PDGFC: variants seen among roughly 807,000 people sequenced by gnomAD.
PDGFC encodes platelet derived growth factor C.
A neutral mutation model predicts 35.5 loss-of-function variants in PDGFC; 12 were observed. That is an observed-to-expected ratio of 0.34 (90% CI 0.22 to 0.55). The LOEUF (loss-of-function observed/expected upper bound fraction) is 0.55. PDGFC is among the 20% of genes least tolerant of loss of function. The pLI, the probability that PDGFC is intolerant of heterozygous loss-of-function variation, is 0.91. For synonymous variants in PDGFC, 159 were observed against 148.8 expected, an observed-to-expected ratio of 1.07 and a Z score of -0.50; for missense variants, 322 against 412.4, an observed-to-expected ratio of 0.78 and a Z score of 1.90.
At chr4:156,863,009 G>C (rs1729754156) in intron 1 of PDGFC, among the ~76,000 whole-genome samples, 1 of 151,880 alleles carries the variant, frequency 6.6e-6, no homozygotes, top group African/African-American at 2.4e-5. Flanking sequence ...TCTCTTTATA[G>C]TTCTTACAAT....
chr4:156,963,342 C>T (rs1560893168), intron 1 of PDGFC, among the ~76,000 whole-genome samples: 1 of 151,946 alleles, frequency 6.6e-6, no homozygotes, highest in African/African-American at 2.4e-5. Context: ...TGGTGGCACA[C>T]ACCTGTAATC....
At chr4:156,838,027 A>T (rs1399369127) in intron 2 of PDGFC, among the ~76,000 whole-genome samples, 1 of 152,120 alleles carries the variant, frequency 6.6e-6, no homozygotes, top group Non-Finnish European at 1.5e-5. Context: ...AGGACAACAA[A>T]GCTATAAATT....
In PDGFC at chr4:156,936,248, C is replaced by T. The variant is rs554514755; in HGVS notation, c.118+34538G>A. On this transcript the variant is annotated intron_variant, in intron 1 of 5. Transcript: ENST00000502773. ...CTTTCTTCAGGTACTATGAGGAGGA[C>T]CTTGTTCCCCTAGAGAGTATTCAAA... Among the ~76,000 whole-genome samples, 16 of 152,196 alleles carry T rather than the reference C, an allele frequency of 1.1e-4. 1 individual carries two copies. The South Asian group carries it at 2.9e-3, about 28-fold the overall frequency.
At chr4:156,919,201 T>TA (rs1359659761) in intron 1 of PDGFC, among the ~76,000 whole-genome samples, 1 of 152,176 alleles carries the variant, frequency 6.6e-6, no homozygotes, top group Non-Finnish European at 1.5e-5. Context: ...AGGCTGGCCT[T>TA]AAAAATCATG....
chr4:156,800,458 A>G (rs1489718262), intron 3 of PDGFC, among the ~76,000 whole-genome samples: 1 of 152,220 alleles, frequency 6.6e-6, no homozygotes, highest in Non-Finnish European at 1.5e-5. Context: ...CAATTATATC[A>G]TCTGAATTAG....
At chr4:156,813,090 G>C (rs561082232) in intron 2 of PDGFC, among the ~76,000 whole-genome samples, 1 of 151,946 alleles carries the variant, frequency 6.6e-6, no homozygotes, top group Non-Finnish European at 1.5e-5. Context: ...TGTGGTTCGG[G>C]GATGGTGGGT....
At chr4:156,919,637 C>T (rs1731228357) in intron 1 of PDGFC, among the ~76,000 whole-genome samples, 2 of 152,146 alleles carry the variant, frequency 1.3e-5, no homozygotes, top group Admixed American at 6.5e-5. Flanking sequence ...ATGTCCTTAG[C>T]ATCTCTGGGG....
At chr4:156,915,363 A>T (rs1731133857) in intron 1 of PDGFC, among the ~76,000 whole-genome samples, 1 of 151,948 alleles carries the variant, frequency 6.6e-6, no homozygotes, top group African/African-American at 2.4e-5. Flanking sequence ...CCATCCACCT[A>T]ATTGGCTGAA....
At chr4:156,921,898 C>T (rs1454408483) in intron 1 of PDGFC, among the ~76,000 whole-genome samples, 1 of 152,168 alleles carries the variant, frequency 6.6e-6, no homozygotes, top group Admixed American at 6.5e-5. Context: ...ACTGACAACA[C>T]ACACACACAC....
At chr4:156,851,740 G>C (rs1467389641) in intron 1 of PDGFC, among the ~76,000 whole-genome samples, 2 of 151,754 alleles carry the variant, frequency 1.3e-5, no homozygotes, top group Non-Finnish European at 2.9e-5. Flanking sequence ...TCAGGAGATC[G>C]AGACCACGGT....
At chr4:156,804,007 G>C (rs1731686283) in intron 3 of PDGFC, among the ~76,000 whole-genome samples, 1 of 152,024 alleles carries the variant, frequency 6.6e-6, no homozygotes, top group Non-Finnish European at 1.5e-5. Context: ...ATGCTTGGAA[G>C]AGTTGGTACA....
chr4:156,884,307 C>G (rs1015733215), intron 1 of PDGFC, among the ~76,000 whole-genome samples: 1 of 152,158 alleles, frequency 6.6e-6, no homozygotes, highest in South Asian at 2.1e-4. Flanking sequence ...AAACAGACCC[C>G]ATATCCAGCC....
chr4:156,959,726 T>C (rs978947856), intron 1 of PDGFC, among the ~76,000 whole-genome samples: 1 of 152,034 alleles, frequency 6.6e-6, no homozygotes, highest in Non-Finnish European at 1.5e-5. Flanking sequence ...TCCAGAAGAT[T>C]TGCACCTCTG....
chr4:156,836,845 A>G (rs1729075323), intron 2 of PDGFC, among the ~76,000 whole-genome samples: 1 of 152,184 alleles, frequency 6.6e-6, no homozygotes, highest in Admixed American at 6.5e-5. Flanking sequence ...CAAAATCCTT[A>G]GAGGGGAAAT....
chr4:156,909,988 A>T (rs2110800606), intron 1 of PDGFC, among the ~76,000 whole-genome samples: 1 of 152,276 alleles, frequency 6.6e-6, no homozygotes, highest in South Asian at 2.1e-4. Flanking sequence ...TCAATCTACA[A>T]GCCAAGCAAT....
intron 2 of PDGFC, among the ~76,000 whole-genome samples, chr4:156,823,829 C>G (rs552509408): frequency 2.0e-4 from 31 of 152,204 alleles, no homozygotes; most frequent in Middle Eastern, 6.8e-3. Flanking sequence ...TTAAAGCAAC[C>G]TAAGTGTCCA....
intron 1 of PDGFC, among the ~76,000 whole-genome samples, chr4:156,962,819 A>G (rs1168138854): frequency 6.6e-6 from 1 of 152,052 alleles, no homozygotes; most frequent in Non-Finnish European, 1.5e-5. Flanking sequence ...ATCTGCAAAC[A>G]TTGAGGACAC....
Position 156,941,371 on chromosome 4 carries a change from T to G in PDGFC, c.118+29415A>C, listed in dbSNP as rs543719147. Reference sequence around the variant, plus strand: ...CTTACAAATGAGAAACTGCACGGGATGACGGTCAACAACCATGAAAGGTTA... The same window carrying G: ...CTTACAAATGAGAAACTGCACGGGAGGACGGTCAACAACCATGAAAGGTTA... On this transcript the variant is annotated intron_variant, in intron 1 of 5. Coordinates refer to ENST00000502773, the MANE Select transcript of PDGFC (RefSeq NM_016205.3). Among the ~76,000 whole-genome samples, 3 of 152,282 alleles carry G rather than the reference T, an allele frequency of 2.0e-5. No individual in the cohort carries two copies. The East Asian group carries it at 5.8e-4, about 29-fold the overall frequency.
chr4:156,824,327 T>TATACACATAC (rs1491500876), intron 2 of PDGFC, among the ~76,000 whole-genome samples: 160 of 102,694 alleles, frequency 1.6e-3, no homozygotes, highest in East Asian at 4.5e-3. Flanking sequence ...TATATATATA[T>TATACACATAC]ACACACACAC....
Sources: gnomAD v4.1 joint callset for allele counts (sites outside exome capture counted in the v4.1 genomes callset) on GRCh38, gnomAD v4.1.1 for gene constraint, MANE v1.5 for transcripts, NCBI Gene and HGNC (gene_info 2026-07-23, HGNC 2026-07-21) for gene names.